The following DPP10 variants were observed in gnomAD, a reference collection of about 807,000 sequenced individuals.
DPP10 encodes the protein dipeptidyl peptidase like 10.
In DPP10, 33 loss-of-function variants were observed where a neutral mutation model predicts 120.9. The ratio of observed to expected loss-of-function variants is 0.27; its 90% CI spans 0.21 to 0.37. The LOEUF (loss-of-function observed/expected upper bound fraction) is 0.37. DPP10 is among the 10% of genes least tolerant of loss of function. The pLI, the probability that DPP10 is intolerant of heterozygous loss-of-function variation, is 1.00. For synonymous variants in DPP10, 337 were observed against 326.1 expected (o/e 1.03, Z -0.36); for missense variants, 816 against 942.8 (o/e 0.87, Z 1.76).
chr2:115,324,356 G>A (rs116308231), intron 2 of DPP10, among the ~76,000 whole-genome samples: 3,103 of 152,242 alleles, frequency 0.02, 103 homozygotes, highest in African/African-American at 0.072. Context: ...GTTTAGCATA[G>A]CCACCTTCAT....
intron 1 of DPP10, among the ~76,000 whole-genome samples, chr2:115,221,484 A>G (rs1260907274): frequency 6.6e-6 from 1 of 152,164 alleles, no homozygotes; most frequent in Non-Finnish European, 1.5e-5. Context: ...AGGTAAGAGA[A>G]AAGAGAGTTA....
At chr2:114,610,851 C>T (rs1323146935) in intron 1 of DPP10, among the ~76,000 whole-genome samples, 1 of 152,058 alleles carries the variant, frequency 6.6e-6, no homozygotes, top group Non-Finnish European at 1.5e-5. Context: ...TGGGCTTTTC[C>T]CCACCCTCTG....
At chr2:114,539,929 A>G (rs751033032) in intron 1 of DPP10, among the ~76,000 whole-genome samples, 1 of 152,176 alleles carries the variant, frequency 6.6e-6, no homozygotes, top group East Asian at 1.9e-4. Flanking sequence ...TTATTATGAT[A>G]AAGATGCCCA....
chr2:115,568,476 C>A (rs2081148283), intron 5 of DPP10, among the ~76,000 whole-genome samples: 1 of 151,304 alleles, frequency 6.6e-6, no homozygotes, highest in South Asian at 2.1e-4. Flanking sequence ...AGCGAGACTC[C>A]GTCTAAAAAA....
chr2:115,178,969 C>T (rs1157089410), intron 1 of DPP10, among the ~76,000 whole-genome samples: 1 of 152,128 alleles, frequency 6.6e-6, no homozygotes, highest in Non-Finnish European at 1.5e-5. Flanking sequence ...CCATCATAAT[C>T]GAGGGACCAT....
At chr2:115,063,646 G>A (rs1419503815) in intron 1 of DPP10, among the ~76,000 whole-genome samples, 1 of 152,102 alleles carries the variant, frequency 6.6e-6, no homozygotes, top group Non-Finnish European at 1.5e-5. Flanking sequence ...CCACAAATCT[G>A]ACAAAAACAA....
At chr2:115,076,009 C>T (rs1707758476) in intron 1 of DPP10, among the ~76,000 whole-genome samples, 2 of 152,070 alleles carry the variant, frequency 1.3e-5, no homozygotes, top group Non-Finnish European at 1.5e-5. Flanking sequence ...TTCATTCACC[C>T]TGTGCTACAC....
chr2:115,807,564 G>A (rs948755006), intron 19 of DPP10, among the ~76,000 whole-genome samples: 10 of 152,228 alleles, frequency 6.6e-5, no homozygotes, highest in African/African-American at 2.4e-4. Context: ...ATCAGGCTAA[G>A]GAGACAATCT....
chr2:114,742,411 A>AGAT (rs1234159468), intron 1 of DPP10, among the ~76,000 whole-genome samples: 7 of 152,268 alleles, frequency 4.6e-5, no homozygotes, highest in Non-Finnish European at 1.5e-5. Context: ...AATGGCACGT[A>AGAT]GATAGTTCCT....
chr2:115,402,130 A>T (rs1020570058), intron 3 of DPP10, among the ~76,000 whole-genome samples: 3 of 152,136 alleles, frequency 2.0e-5, no homozygotes, highest in African/African-American at 7.2e-5. Context: ...AAGACTTCAG[A>T]TGTTTCACCT....
At chr2:115,207,217 C>T (rs550077862) in intron 1 of DPP10, among the ~76,000 whole-genome samples, 1 of 152,192 alleles carries the variant, frequency 6.6e-6, no homozygotes, top group South Asian at 2.1e-4. Flanking sequence ...TTGCAGCTGT[C>T]TCTTCAGTTA....
chr2:115,138,828 C>T (rs1003024599), intron 1 of DPP10, among the ~76,000 whole-genome samples: 1 of 152,116 alleles, frequency 6.6e-6, no homozygotes, highest in African/African-American at 2.4e-5. Context: ...TCTGTTTATT[C>T]AGATTTAAGC....
At chr2:115,047,515 T>G (rs1384235961) in intron 1 of DPP10, among the ~76,000 whole-genome samples, 1 of 152,050 alleles carries the variant, frequency 6.6e-6, no homozygotes, top group South Asian at 2.1e-4. Flanking sequence ...ATTTTAACCG[T>G]GTCTTTTTCA....
chr2:115,245,912 C>G (rs2058512601), intron 1 of DPP10, among the ~76,000 whole-genome samples: 1 of 152,112 alleles, frequency 6.6e-6, no homozygotes, highest in Admixed American at 6.6e-5. Context: ...TATATTATTT[C>G]AGACGCAGCT....
rs59593945 is a variant in DPP10, at chr2:114,993,580, GTATATATATATATA to G, written c.61-315645_61-315632del. Among the ~76,000 whole-genome samples the G allele has an allele frequency of 1.0e-4, 10 of 97,326 alleles. 1 individual carries two copies. The highest frequency in any genetic ancestry group is 7.8e-4 in the East Asian group (2 of 2,578). 63.8% of individuals were successfully genotyped at this position (97,326 alleles called of 152,430 possible). ...ATTCTTATTATGTGTGTGTGTGTGT[GTATATATATATATA>G]TATATATATATATGAATTTATTTTT... On this transcript the variant is annotated intron_variant, in intron 1 of 25. Coordinates refer to ENST00000410059, the MANE Select transcript of DPP10 (RefSeq NM_020868.6).
chr2:114,909,481 G>GATA (rs1372229698), intron 1 of DPP10, among the ~76,000 whole-genome samples: 1 of 151,942 alleles, frequency 6.6e-6, no homozygotes. Context: ...AGCCAAGTAG[G>GATA]ATAAGACTCC....
intron 1 of DPP10, among the ~76,000 whole-genome samples, chr2:115,078,637 C>T (rs1202578630): frequency 6.6e-6 from 1 of 152,082 alleles, no homozygotes; most frequent in African/African-American, 2.4e-5. Flanking sequence ...AATTACGTTT[C>T]AAAATTAAAG....
chr2:115,756,695 C>A (rs1375196406), intron 11 of DPP10, among the ~76,000 whole-genome samples: 1 of 152,026 alleles, frequency 6.6e-6, no homozygotes, highest in African/African-American at 2.4e-5. Context: ...GGAATAAATC[C>A]TGTAATTCCT....
intron 3 of DPP10, among the ~76,000 whole-genome samples, chr2:115,470,875 CCTTT>C (rs766708552): frequency 3.3e-5 from 5 of 152,282 alleles, no homozygotes; most frequent in Admixed American, 6.5e-5. Flanking sequence ...CAGACAGTCA[CCTTT>C]CTTATTATTT....
Sources: allele counts gnomAD v4.1 joint callset (sites outside exome capture counted in the v4.1 genomes callset), GRCh38; gene constraint gnomAD v4.1.1; transcripts MANE v1.5; gene names NCBI Gene and HGNC (gene_info 2026-07-23, HGNC 2026-07-21).